The following GLI2 variants were observed in gnomAD, a reference collection of about 807,000 sequenced individuals.
GLI2 encodes the protein transcription activator GLI2.
A neutral mutation model predicts 78.9 loss-of-function variants in GLI2; 22 were observed. That is an observed-to-expected ratio of 0.28 (90% CI 0.20 to 0.40). GLI2 has a LOEUF of 0.40. Among genes scored for constraint, GLI2 ranks in the 10% least tolerant of loss-of-function variants. The pLI is 1.00. For synonymous variants in GLI2, 974 were observed against 963.7 expected (o/e 1.01, Z -0.20); for missense variants, 2,097 against 2,213.2 (o/e 0.95, Z 1.05).
chr2:120,990,794 G>T lies in GLI2; in HGVS notation c.*119G>T. ...TTAAATAGGCTTGAGGGGTTGTTGC[G>T]CAATGGCCGCTTCAGATGACAGATG... On this transcript the variant is annotated 3_prime_UTR_variant, in exon 14 of 14. Transcript: ENST00000361492. 1.4e-6 allele frequency: 1 copy of T among 738,122 alleles called. No homozygotes were observed. The highest frequency in any genetic ancestry group is 2.2e-6 in the Non-Finnish European group (1 of 452,514). The allele number at this position is 738,122 out of a possible 1,614,324, so 45.7% of individuals were successfully genotyped here. A position where few individuals can be genotyped will look rare whatever the true frequency, so the allele number is the denominator to read the frequency against.
chr2:120,902,725 C>T (rs1311628320), intron 2 of GLI2, among the ~76,000 whole-genome samples: 3 of 152,220 alleles, frequency 2.0e-5, no homozygotes, highest in African/African-American at 7.2e-5. Context: ...GGATGCTGTG[C>T]ACCTCCTGTT....
At chr2:120,866,640 C>T (rs970772110) in intron 2 of GLI2, 1 of 152,094 alleles carries the variant, frequency 6.6e-6, no homozygotes, top group Non-Finnish European at 1.5e-5. Context: ...CACATGGCAC[C>T]TGGCAGACAG....
At chr2:120,777,956 T>C (rs1300388281) in intron 1 of GLI2, among the ~76,000 whole-genome samples, 1 of 152,008 alleles carries the variant, frequency 6.6e-6, no homozygotes, top group Admixed American at 6.5e-5. Flanking sequence ...CAGAAGTTGC[T>C]GGGAGGCCAT....
rs371965408 is a variant in GLI2 at position 120,824,826 on chromosome 2, T to TTTG, written c.148+27376_148+27378dup. On this transcript the variant is annotated intron_variant, in intron 2 of 13. Transcript: ENST00000361492. The stretch of plus-strand genomic sequence containing the variant: ...ACAAAGGATGTCCCCATGGCATTTC[T>TTTG]TTGTTGTTGTTGTTGTTGTTTTGTC... Among the ~76,000 whole-genome samples, 803 of 152,226 alleles carry TTTG rather than the reference T, an allele frequency of 5.3e-3. 3 individuals are homozygous for TTTG. The highest frequency in any genetic ancestry group is 7.9e-3 in the Non-Finnish European group (534 of 67,990).
At position 120,988,233 on chromosome 2, in the gene GLI2, C is replaced by T. The variant is rs1345387311; in HGVS notation, c.2268C>T (p.Gly756=). The T allele has an allele frequency of 3.8e-6, 6 of 1,588,788 alleles. No homozygotes were observed. The highest frequency in any genetic ancestry group is 3.4e-5 in the South Asian group (3 of 88,416). Residue 756 remains glycine, a synonymous_variant, in exon 14 of 14, where the codon GGC becomes GGT. Coordinates refer to ENST00000361492, the MANE Select transcript of GLI2 (RefSeq NM_001374353.1). Reference sequence around the variant, plus strand: ...GCTCCATCCTGGAAAACTTCAGTGGCAGTGGGGGCGGCGGGCCCGCGGGGC... The same window carrying T: ...GCTCCATCCTGGAAAACTTCAGTGGTAGTGGGGGCGGCGGGCCCGCGGGGC... ...GSGSILENFS[G]SGGGGPAGLL... is the part of the protein sequence containing the mutation.
chr2:120,785,349 G>A (rs1206720599), intron 1 of GLI2, among the ~76,000 whole-genome samples: 1 of 152,170 alleles, frequency 6.6e-6, no homozygotes, highest in Non-Finnish European at 1.5e-5. Context: ...TTCATTGCAA[G>A]GAAAAAGTGG....
At chr2:120,830,390 A>G (rs966282064) in intron 2 of GLI2, among the ~76,000 whole-genome samples, 2 of 152,118 alleles carry the variant, frequency 1.3e-5, no homozygotes, top group Non-Finnish European at 2.9e-5. Flanking sequence ...TGAGTAGAGG[A>G]GGAGGTTGGC....
intron 4 of GLI2, among the ~76,000 whole-genome samples, chr2:120,953,405 G>C (rs755551497): frequency 6.6e-6 from 1 of 152,238 alleles, no homozygotes; most frequent in African/African-American, 2.4e-5. Context: ...GGCCCTGCCA[G>C]CACCTTAATT....
chr2:120,813,691 C>A (rs142706181), intron 2 of GLI2, among the ~76,000 whole-genome samples: 7 of 152,300 alleles, frequency 4.6e-5, no homozygotes, highest in African/African-American at 1.7e-4. Context: ...CTGACTTCTC[C>A]TCCATCTCTT....
chr2:120,753,056 C>A (rs74570456), intron 1 of GLI2, among the ~76,000 whole-genome samples: 8,152 of 147,654 alleles, frequency 0.055, 360 homozygotes, highest in Admixed American at 0.11. Context: ...TGTAAAACTT[C>A]GGGGTATAAG....
intron 2 of GLI2, among the ~76,000 whole-genome samples, chr2:120,837,726 C>T (rs1344876464): frequency 1.3e-5 from 2 of 152,258 alleles, no homozygotes; most frequent in Non-Finnish European, 2.9e-5. Context: ...TGTGAATAAT[C>T]GTCTCAGTAG....
At chr2:120,905,457 G>A (rs545074270) in intron 2 of GLI2, among the ~76,000 whole-genome samples, 16 of 152,324 alleles carry the variant, frequency 1.1e-4, no homozygotes, top group South Asian at 4.2e-4. Flanking sequence ...TGACCTGCAA[G>A]GAGGAAATGG....
At chr2:120,746,816 A>AT (rs949887299) in intron 1 of GLI2, among the ~76,000 whole-genome samples, 1 of 151,958 alleles carries the variant, frequency 6.6e-6, no homozygotes, top group African/African-American at 2.4e-5. Context: ...TTAATATAAA[A>AT]TTTTTTTTGC....
intron 1 of GLI2, among the ~76,000 whole-genome samples, chr2:120,740,914 G>A (rs1014370763): frequency 1.3e-5 from 2 of 152,232 alleles, no homozygotes; most frequent in African/African-American, 2.4e-5. Flanking sequence ...GGACTCCACA[G>A]GCCTGTGGCC....
chr2:120,952,299 C>T (rs1042651073), intron 4 of GLI2, among the ~76,000 whole-genome samples: 14 of 152,240 alleles, frequency 9.2e-5, no homozygotes, highest in Non-Finnish European at 1.5e-4. Context: ...GACTTGACCT[C>T]TCAGGCTAGA....
At chr2:120,953,014 A>T (rs1253778022) in intron 4 of GLI2, among the ~76,000 whole-genome samples, 1 of 152,236 alleles carries the variant, frequency 6.6e-6, no homozygotes, top group African/African-American at 2.4e-5. Flanking sequence ...CAACGGGTTG[A>T]TGGTCACACC....
intron 1 of GLI2, among the ~76,000 whole-genome samples, chr2:120,763,960 G>A (rs547653352): frequency 2.6e-5 from 4 of 152,330 alleles, no homozygotes; most frequent in East Asian, 3.9e-4. Context: ...CAGTGTGTCC[G>A]GGGAGATAAT....
chr2:120,974,835 A>C lies in GLI2; in HGVS notation c.1183-140A>C, dbSNP rs539534611. The C allele has an allele frequency of 5.4e-6, 6 of 1,118,716 alleles. No individual in the cohort carries two copies. The African/African-American group carries it at 9.2e-5, about 17-fold the overall frequency. The allele number at this position is 1,118,716 out of a possible 1,614,324, so 69.3% of individuals were successfully genotyped here. A position where few individuals can be genotyped will look rare whatever the true frequency, so the allele number is the denominator to read the frequency against. ...GCATGTGTTGTGTGTGTGCACACAC[A>C]CCTGTAACACACACACTTGCATCCA... On this transcript the variant is annotated intron_variant, in intron 8 of 13. Transcript: ENST00000361492.
At chr2:120,751,802 C>T (rs776501) in intron 1 of GLI2, among the ~76,000 whole-genome samples, 74,442 of 152,020 alleles carry the variant, frequency 0.49, 21,026 homozygotes, top group African/African-American at 0.78. Context: ...TGTTTTCCCA[C>T]AGATATGTCT....
Sources: gnomAD v4.1 joint callset for allele counts (sites outside exome capture counted in the v4.1 genomes callset) on GRCh38, gnomAD v4.1.1 for gene constraint, MANE v1.5 for transcripts, NCBI Gene and HGNC (gene_info 2026-07-23, HGNC 2026-07-21) for gene names.